Variants in STRN observed in about 807,000 individuals in gnomAD.
STRN encodes the protein protein phosphatase 2 regulatory subunit B'''alpha.
A neutral mutation model predicts 96.3 loss-of-function variants in STRN; 53 were observed. The observed-to-expected ratio is 0.55, with a 90% confidence interval of 0.44 to 0.69. The LOEUF (loss-of-function observed/expected upper bound fraction) is 0.69, where lower values mean the gene tolerates loss of function less well. STRN is among the 30% of genes least tolerant of loss of function. The probability of loss-of-function intolerance (pLI) is 0.00; values close to 1 mark genes in which losing one functional copy is unlikely to be tolerated. For missense variants in STRN, 987 were observed against 963.9 expected (o/e 1.02, Z -0.32); for synonymous variants, 428 against 355.9 (o/e 1.20, Z -2.28).
Position 36,925,861 on chromosome 2 carries a change from A to G in STRN, c.235-653T>C, listed in dbSNP as rs188363122. ...TAAAGTGTTTGTCTTTTTGCCATCA[A>G]CAGGATCTTTTTATAAAGCAGGAAG... On this transcript the variant is annotated intron_variant, in intron 1 of 17. Transcript: ENST00000263918. 5.9e-5 allele frequency among the ~76,000 whole-genome samples: 9 copies of G among 152,328 alleles called. No individual in the cohort carries two copies. In the East Asian group the frequency reaches 1.7e-3, roughly 29 times the overall value.
chr2:36,866,858 C>A (rs1475880711), intron 12 of STRN, among the ~76,000 whole-genome samples: 1 of 151,996 alleles, frequency 6.6e-6, no homozygotes, highest in African/African-American at 2.4e-5. Context: ...CTGCTTTTTT[C>A]TGTTTTCCAT....
At chr2:36,960,579 A>G (rs1386834425) in intron 1 of STRN, among the ~76,000 whole-genome samples, 1 of 152,178 alleles carries the variant, frequency 6.6e-6, no homozygotes, top group East Asian at 1.9e-4. Flanking sequence ...AAGTACTTTA[A>G]ATTATCTTAA....
intron 1 of STRN, among the ~76,000 whole-genome samples, chr2:36,927,633 T>C (rs1670450156): frequency 6.6e-6 from 1 of 150,486 alleles, no homozygotes; most frequent in African/African-American, 2.4e-5. Context: ...TTTGAGACCA[T>C]CCTGGCCAAC....
chr2:36,910,985 ATGTC>A (rs1157763759), intron 3 of STRN, among the ~76,000 whole-genome samples: 6 of 152,242 alleles, frequency 3.9e-5, no homozygotes, highest in Non-Finnish European at 2.9e-5. Flanking sequence ...GTTTCAGAAA[ATGTC>A]TGGTTATCAG....
At chr2:36,886,380 A>G (rs956382984) in intron 8 of STRN, among the ~76,000 whole-genome samples, 3 of 152,212 alleles carry the variant, frequency 2.0e-5, no homozygotes, top group African/African-American at 4.8e-5. Context: ...TAAATTGTCA[A>G]TGAAAAAGAA....
At chr2:36,886,657 A>C in intron 8 of STRN, 59 bp downstream of exon 8, 1 of 1,363,326 alleles carries the variant, frequency 7.3e-7, no homozygotes, top group Non-Finnish European at 1.0e-6. Context: ...TGAAAAAAAA[A>C]ACTGGGGGAT....
intron 3 of STRN, among the ~76,000 whole-genome samples, chr2:36,914,596 A>T (rs1260723939): frequency 1.3e-5 from 2 of 152,242 alleles, no homozygotes; most frequent in African/African-American, 4.8e-5. Context: ...TTTAATATTC[A>T]GCTGAGGAAA....
chr2:36,927,637 G>A (rs1670450221), intron 1 of STRN, among the ~76,000 whole-genome samples: 1 of 151,180 alleles, frequency 6.6e-6, no homozygotes, highest in Non-Finnish European at 1.5e-5. Context: ...AGACCATCCT[G>A]GCCAACATAC....
At chr2:36,942,209 G>A (rs1670862919) in intron 1 of STRN, among the ~76,000 whole-genome samples, 1 of 152,098 alleles carries the variant, frequency 6.6e-6, no homozygotes, top group Admixed American at 6.5e-5. Context: ...CTTAATGTCT[G>A]TAGCTATAGC....
At chr2:36,882,612 TA>T (rs1030667296) in intron 9 of STRN, among the ~76,000 whole-genome samples, 1 of 152,042 alleles carries the variant, frequency 6.6e-6, no homozygotes, top group African/African-American at 2.4e-5. Context: ...ACAAAAAGCA[TA>T]AAAAAGTTAT....
At chr2:36,862,923 G>T (rs932342493) in intron 12 of STRN, among the ~76,000 whole-genome samples, 5 of 151,964 alleles carry the variant, frequency 3.3e-5, no homozygotes, top group Non-Finnish European at 5.9e-5. Flanking sequence ...TTTTAGTAGA[G>T]ACGCGGTTTC....
At chr2:36,959,910 C>A (rs915712929) in intron 1 of STRN, among the ~76,000 whole-genome samples, 9 of 152,154 alleles carry the variant, frequency 5.9e-5, no homozygotes, top group Non-Finnish European at 1.3e-4. Context: ...AATTAGTATT[C>A]ATTCCCTCTG....
At position 36,899,630 on chromosome 2, in the gene STRN, C is replaced by T. The variant is rs760641469; in HGVS notation, c.688G>A (p.Val230Met). 58 of 1,612,198 alleles carry T rather than the reference C, an allele frequency of 3.6e-5. No homozygotes were observed. The highest frequency in any genetic ancestry group is 1.7e-4 in the Middle Eastern group (1 of 6,058). Reference sequence around the variant, plus strand: ...TCAAGGAATTTGAAATTATCCAGCACGGAGGCAGAATCTGTTAACTCAGAT... The same window carrying T: ...TCAAGGAATTTGAAATTATCCAGCATGGAGGCAGAATCTGTTAACTCAGAT... ...AKSELTDSAS[V>M]LDNFKFLESA... Residue 230 changes from valine (V) to methionine (M), a missense_variant, in exon 6 of 18, where the codon GTG becomes ATG. Coordinates refer to ENST00000263918, the MANE Select transcript of STRN (RefSeq NM_003162.4).
intron 16 of STRN, among the ~76,000 whole-genome samples, chr2:36,850,686 G>C (rs1165718785): frequency 3.3e-5 from 5 of 151,992 alleles, no homozygotes; most frequent in Non-Finnish European, 7.4e-5. Flanking sequence ...TACTACAATA[G>C]ATCATAGCAA....
At chr2:36,925,710 T>A (rs948891707) in intron 1 of STRN, among the ~76,000 whole-genome samples, 5 of 152,150 alleles carry the variant, frequency 3.3e-5, no homozygotes, top group Non-Finnish European at 7.4e-5. Context: ...GAGGCAGGGG[T>A]TGCAGTAAGC....
At chr2:36,896,414 T>C (rs1321143172) in intron 6 of STRN, among the ~76,000 whole-genome samples, 1 of 152,150 alleles carries the variant, frequency 6.6e-6, no homozygotes, top group Non-Finnish European at 1.5e-5. Context: ...AAAAATGAAT[T>C]GTGTTTACCA....
At chr2:36,863,725 T>C (rs534729152) in intron 12 of STRN, among the ~76,000 whole-genome samples, 4 of 152,370 alleles carry the variant, frequency 2.6e-5, no homozygotes, top group Non-Finnish European at 4.4e-5. Flanking sequence ...AGGAATAGCA[T>C]TGAATTTGTA....
At chr2:36,876,243 C>G (rs1668907628) in intron 10 of STRN, among the ~76,000 whole-genome samples, 1 of 150,092 alleles carries the variant, frequency 6.7e-6, no homozygotes, top group African/African-American at 2.5e-5. Context: ...TGCACTCCAG[C>G]CTGGGTGACC....
chr2:36,958,457 A>G (rs2148278273), intron 1 of STRN, among the ~76,000 whole-genome samples: 1 of 152,364 alleles, frequency 6.6e-6, no homozygotes, highest in East Asian at 1.9e-4. Context: ...TTTTTAAGAA[A>G]TGACCGAGCA....
Sources: gnomAD v4.1 joint callset for allele counts (sites outside exome capture counted in the v4.1 genomes callset) on GRCh38, gnomAD v4.1.1 for gene constraint, MANE v1.5 for transcripts, NCBI Gene and HGNC (gene_info 2026-07-23, HGNC 2026-07-21) for gene names.